TAFA2: variants seen among roughly 807,000 people sequenced by gnomAD.
The protein encoded by TAFA2 is chemokine-like protein TAFA-2.
TAFA2 carries 7 observed loss-of-function variants against 18.8 expected under a neutral mutation model. That is an observed-to-expected ratio of 0.37 (90% confidence interval 0.21 to 0.70). The LOEUF (loss-of-function observed/expected upper bound fraction) is 0.70, where lower values mean the gene tolerates loss of function less well. Among genes scored for constraint, TAFA2 ranks in the 30% least tolerant of loss-of-function variants. The pLI is 0.53. For synonymous variants in TAFA2, 60 were observed against 54.2 expected, an observed-to-expected ratio of 1.11 and a Z score of -0.47; for missense variants, 122 against 158.1, an observed-to-expected ratio of 0.77 and a Z score of 1.23.
At chr12:62,168,736 C>T (rs2062456419) in intron 1 of TAFA2, among the ~76,000 whole-genome samples, 1 of 152,040 alleles carries the variant, frequency 6.6e-6, no homozygotes, top group Non-Finnish European at 1.5e-5. Flanking sequence ...ACTCTGGAGG[C>T]TGAGGTGGGA....
chr12:61,741,951 C>T (rs879555279), intron 4 of TAFA2, among the ~76,000 whole-genome samples: 15 of 152,048 alleles, frequency 9.9e-5, no homozygotes, highest in Non-Finnish European at 1.9e-4. Context: ...GGTTGGAGTG[C>T]GATGGTGAAA....
intron 2 of TAFA2, among the ~76,000 whole-genome samples, chr12:61,772,292 C>T (rs1870063273): frequency 6.6e-6 from 1 of 151,854 alleles, no homozygotes; most frequent in Admixed American, 6.6e-5. Context: ...TGAATTCTAT[C>T]AGACATTCAA....
intron 1 of TAFA2, among the ~76,000 whole-genome samples, chr12:62,020,481 C>T (rs936012942): frequency 2.0e-5 from 3 of 152,046 alleles, no homozygotes; most frequent in African/African-American, 7.2e-5. Context: ...AGACACAAAG[C>T]CCAAAGGTAG....
chr12:62,187,916 C>T (rs2062596795), intron 1 of TAFA2, among the ~76,000 whole-genome samples: 1 of 152,094 alleles, frequency 6.6e-6, no homozygotes, highest in Admixed American at 6.6e-5. Flanking sequence ...GTTCAATATG[C>T]TCAAAGTAGT....
intron 2 of TAFA2, among the ~76,000 whole-genome samples, chr12:61,810,925 G>T (rs1386531999): frequency 6.6e-6 from 1 of 151,184 alleles, no homozygotes; most frequent in African/African-American, 2.5e-5. Flanking sequence ...CACCATTCCT[G>T]CCACTGCCAA....
chr12:62,026,332 G>T (rs1053288904), intron 1 of TAFA2, among the ~76,000 whole-genome samples: 2 of 152,066 alleles, frequency 1.3e-5, no homozygotes, highest in Non-Finnish European at 2.9e-5. Context: ...GTTCCTTTGA[G>T]GTTTGCCCTT....
chr12:61,797,694 G>A (rs1198527195), intron 2 of TAFA2, among the ~76,000 whole-genome samples: 10 of 151,930 alleles, frequency 6.6e-5, no homozygotes, highest in South Asian at 6.2e-4. Flanking sequence ...TGGTGAGAAC[G>A]TTTCTCTGAA....
intron 1 of TAFA2, among the ~76,000 whole-genome samples, chr12:62,017,978 A>G (rs375878743): frequency 2.0e-4 from 31 of 152,310 alleles, no homozygotes; most frequent in African/African-American, 7.0e-4. Flanking sequence ...TTCAATTCCT[A>G]GTGAGATTTC....
chr12:62,070,258 C>A (rs1274913771), intron 1 of TAFA2, among the ~76,000 whole-genome samples: 1 of 151,994 alleles, frequency 6.6e-6, no homozygotes, highest in Non-Finnish European at 1.5e-5. Context: ...TTAAGCAAAC[C>A]CCAAGTAATA....
intron 1 of TAFA2, among the ~76,000 whole-genome samples, chr12:61,908,951 T>G (rs1876485439): frequency 6.6e-6 from 1 of 152,192 alleles, no homozygotes. Flanking sequence ...GCCTAAAGTG[T>G]AATTTTTCAT....
intron 1 of TAFA2, among the ~76,000 whole-genome samples, chr12:62,002,977 C>T (rs898290045): frequency 6.6e-6 from 1 of 152,088 alleles, no homozygotes; most frequent in Non-Finnish European, 1.5e-5. Context: ...ATCTGACATC[C>T]TCTCTACCCT....
intron 1 of TAFA2, among the ~76,000 whole-genome samples, chr12:62,088,953 A>C (rs1364316509): frequency 6.6e-6 from 1 of 151,958 alleles, no homozygotes; most frequent in Non-Finnish European, 1.5e-5. Flanking sequence ...CATCTGTCTC[A>C]CATACACACA....
intron 2 of TAFA2, among the ~76,000 whole-genome samples, chr12:61,835,460 T>C (rs1296189761): frequency 6.6e-6 from 1 of 152,024 alleles, no homozygotes; most frequent in African/African-American, 2.4e-5. Flanking sequence ...GGGCTGCCAC[T>C]GATCCCATCA....
chr12:62,252,693 T>C (rs1356053595), intron 1 of TAFA2: 1 of 152,232 alleles, frequency 6.6e-6, no homozygotes, highest in East Asian at 1.9e-4. Flanking sequence ...CAACAGGCCA[T>C]TCCGTTGCTC....
intron 1 of TAFA2, among the ~76,000 whole-genome samples, chr12:61,868,277 C>T (rs1351353752): frequency 1.3e-5 from 2 of 152,070 alleles, no homozygotes; most frequent in African/African-American, 2.4e-5. Flanking sequence ...TTGCCTGGGC[C>T]ACATTTAATG....
chr12:61,826,849 A>C (rs1190593103), intron 2 of TAFA2, among the ~76,000 whole-genome samples: 1 of 152,070 alleles, frequency 6.6e-6, no homozygotes, highest in Non-Finnish European at 1.5e-5. Flanking sequence ...ATATGTAAGA[A>C]AATGACAGAA....
At chr12:61,713,235 A>C (rs1444441146) in intron 4 of TAFA2, among the ~76,000 whole-genome samples, 3 of 152,124 alleles carry the variant, frequency 2.0e-5, no homozygotes, top group Admixed American at 1.3e-4. Context: ...CTGTGTTCAA[A>C]TGAGGCAGAT....
chr12:61,824,531 A>G (rs1278249785), intron 2 of TAFA2, among the ~76,000 whole-genome samples: 1 of 152,130 alleles, frequency 6.6e-6, no homozygotes, highest in Non-Finnish European at 1.5e-5. Flanking sequence ...CCTTTAGCAA[A>G]ATAATTGTAG....
intron 1 of TAFA2, among the ~76,000 whole-genome samples, chr12:62,100,257 A>T (rs908193472): frequency 6.6e-6 from 1 of 152,040 alleles, no homozygotes; most frequent in Admixed American, 6.6e-5. Context: ...ATTGAGAGCC[A>T]TTAAAATTCT....
Sources: allele counts gnomAD v4.1 joint callset (sites outside exome capture counted in the v4.1 genomes callset), GRCh38; gene constraint gnomAD v4.1.1; transcripts MANE v1.5; gene names NCBI Gene and HGNC (gene_info 2026-07-23, HGNC 2026-07-21).